Variants in IFNG-AS1 observed in about 807,000 individuals in gnomAD.
The protein encoded by IFNG-AS1 is IFNG regulatory antisense RNA 1.
intron 1 of IFNG-AS1, among the ~76,000 whole-genome samples, chr12:67,994,901 C>T (rs956466024): frequency 6.6e-6 from 1 of 152,218 alleles, no homozygotes; most frequent in Non-Finnish European, 1.5e-5. Context: ...AGTTACCTAA[C>T]CTCTTTATGC....
intron 1 of IFNG-AS1, among the ~76,000 whole-genome samples, chr12:67,991,529 C>A (rs1040069069): frequency 3.3e-5 from 5 of 152,194 alleles, no homozygotes; most frequent in African/African-American, 1.2e-4. Flanking sequence ...AATCTTGTTT[C>A]TTGCCACCTT....
At chr12:67,989,999 T>C (rs925255062) in intron 1 of IFNG-AS1, among the ~76,000 whole-genome samples, 2 of 152,208 alleles carry the variant, frequency 1.3e-5, no homozygotes, top group Non-Finnish European at 2.9e-5. Flanking sequence ...GAAAATGCCA[T>C]GGGCGCCGTA....
intron 1 of IFNG-AS1, among the ~76,000 whole-genome samples, chr12:67,990,832 T>G (rs1038671538): frequency 1.7e-4 from 26 of 152,118 alleles, no homozygotes; most frequent in Non-Finnish European, 3.5e-4. Context: ...GACCTCGTGA[T>G]CCGCCCGCCT....
At chr12:68,005,467 G>A (rs1263153714) in intron 2 of IFNG-AS1, among the ~76,000 whole-genome samples, 1 of 152,092 alleles carries the variant, frequency 6.6e-6, no homozygotes, top group Non-Finnish European at 1.5e-5. Flanking sequence ...TCCAATCTGT[G>A]TTAGGCTCAA....
chr12:68,017,110 G>A (rs1880173918), intron 3 of IFNG-AS1, among the ~76,000 whole-genome samples: 2 of 152,174 alleles, frequency 1.3e-5, no homozygotes, highest in African/African-American at 2.4e-5. Context: ...AAAGAGCCAA[G>A]TATGGAAACA....
intron 3 of IFNG-AS1, among the ~76,000 whole-genome samples, chr12:68,009,131 T>C (rs1879969564): frequency 6.6e-6 from 1 of 152,244 alleles, no homozygotes; most frequent in African/African-American, 2.4e-5. Flanking sequence ...AAAAACATCC[T>C]ACATTGTAAG....
chr12:67,992,890 G>A (rs760208070), intron 1 of IFNG-AS1, among the ~76,000 whole-genome samples: 7 of 152,130 alleles, frequency 4.6e-5, no homozygotes, highest in Non-Finnish European at 7.4e-5. Flanking sequence ...CCTTGATTTC[G>A]TATCCCATTT....
At chr12:67,997,311 T>C (rs550314818) in intron 2 of IFNG-AS1, among the ~76,000 whole-genome samples, 98 of 151,968 alleles carry the variant, frequency 6.4e-4, no homozygotes, top group Middle Eastern at 6.8e-3. Context: ...AACGAACTGA[T>C]AGAATAAATT....
chr12:68,014,941 T>G (rs1880112509), intron 3 of IFNG-AS1, among the ~76,000 whole-genome samples: 2 of 152,104 alleles, frequency 1.3e-5, no homozygotes, highest in African/African-American at 2.4e-5. Flanking sequence ...AAAAGAGCAA[T>G]GCACATTTCT....
chr12:68,008,220 T>C (rs1217903522), intron 3 of IFNG-AS1, among the ~76,000 whole-genome samples: 2 of 152,052 alleles, frequency 1.3e-5, no homozygotes, highest in African/African-American at 4.8e-5. Flanking sequence ...ATCGAGACCA[T>C]CCTGGCTAAC....
At chr12:67,995,977 G>A (rs1356035059) in exon 2 of IFNG-AS1, 2 of 152,144 alleles carry the variant, frequency 1.3e-5, no homozygotes, top group African/African-American at 4.8e-5. Context: ...AGCTGATGAT[G>A]GTGGCAATCT....
intron 3 of IFNG-AS1, among the ~76,000 whole-genome samples, chr12:68,006,772 T>C (rs1343323089): frequency 6.6e-6 from 1 of 152,214 alleles, no homozygotes; most frequent in Non-Finnish European, 1.5e-5. Flanking sequence ...GTTCTGCAGC[T>C]GCAAGGAAAT....
intron 4 of IFNG-AS1, chr12:68,019,930 G>A (rs914191442): frequency 5.9e-5 from 9 of 152,170 alleles, no homozygotes; most frequent in African/African-American, 1.4e-4. Context: ...CCCAGAAGGA[G>A]AACAATTATT....
chr12:68,010,979 C>T (rs575063341), intron 3 of IFNG-AS1, among the ~76,000 whole-genome samples: 1 of 152,234 alleles, frequency 6.6e-6, no homozygotes, highest in African/African-American at 2.4e-5. Flanking sequence ...GATGTATTAT[C>T]TCGTTGAATC....
At chr12:67,998,888 C>T (rs952799289) in intron 2 of IFNG-AS1, among the ~76,000 whole-genome samples, 1 of 152,114 alleles carries the variant, frequency 6.6e-6, no homozygotes, top group African/African-American at 2.4e-5. Context: ...GCAAGCTCCC[C>T]AGCCCCAAAG....
At chr12:67,992,083 G>C (rs1338616963) in intron 1 of IFNG-AS1, among the ~76,000 whole-genome samples, 1 of 152,046 alleles carries the variant, frequency 6.6e-6, no homozygotes, top group Non-Finnish European at 1.5e-5. Context: ...TCTGTATCCA[G>C]GAGTAAACAC....
chr12:68,001,423 T>C, intron 2 of IFNG-AS1: 1 of 222,948 alleles, frequency 4.5e-6, no homozygotes, highest in Non-Finnish European at 9.4e-6. Context: ...TTCTCCAATG[T>C]CTCCTCTTGG....
intron 2 of IFNG-AS1, among the ~76,000 whole-genome samples, chr12:67,998,185 G>C (rs535579643): frequency 6.3e-4 from 95 of 151,990 alleles, no homozygotes; most frequent in African/African-American, 2.3e-3. Flanking sequence ...ATTTGCACAG[G>C]GTTATTAATT....
chr12:68,018,786 A>T (rs985627074), intron 3 of IFNG-AS1, among the ~76,000 whole-genome samples: 8 of 27,328 alleles, frequency 2.9e-4, no homozygotes, highest in African/African-American at 3.4e-4. Flanking sequence ...TTATATATAT[A>T]TTTTTTTTTA....
Sources: gnomAD v4.1 joint callset for allele counts (sites outside exome capture counted in the v4.1 genomes callset) on GRCh38, gnomAD v4.1.1 for gene constraint, MANE v1.5 for transcripts, NCBI Gene and HGNC (gene_info 2026-07-23, HGNC 2026-07-21) for gene names.